Variants in TASP1 observed in about 807,000 individuals in gnomAD.
TASP1 encodes taspase 1, also known as threonine aspartase 1.
TASP1 carries 16 observed loss-of-function variants against 56.6 expected under a neutral mutation model. The ratio of observed to expected loss-of-function variants is 0.28; its 90% CI spans 0.19 to 0.43. TASP1 has a LOEUF of 0.43. TASP1 is among the 20% of genes least tolerant of loss of function. The pLI, the probability that TASP1 is intolerant of heterozygous loss-of-function variation, is 1.00. For missense variants in TASP1, 393 were observed against 511.6 expected, an observed-to-expected ratio of 0.77 and a Z score of 2.24; for synonymous variants, 179 against 184.2, an observed-to-expected ratio of 0.97 and a Z score of 0.23.
At chr20:13,583,474 G>A (rs2047195153) in intron 5 of TASP1, among the ~76,000 whole-genome samples, 1 of 152,154 alleles carries the variant, frequency 6.6e-6, no homozygotes, top group Admixed American at 6.5e-5. Context: ...CATGTTTATA[G>A]AGTTACTCTT....
At chr20:13,421,598 C>CTTTTTTTTTTTTTTTTTT (rs1332836180) in intron 12 of TASP1, among the ~76,000 whole-genome samples, 1 of 152,100 alleles carries the variant, frequency 6.6e-6, no homozygotes, top group Admixed American at 6.5e-5. Flanking sequence ...AGATAATTTA[C>CTTTTTTTTTTTTTTTTTT]ATTACTCATA....
At chr20:13,334,450 T>C in the TASP1 span, among the ~76,000 whole-genome samples, 1 of 152,206 alleles carries the variant, frequency 6.6e-6, no homozygotes, top group Non-Finnish European at 1.5e-5. Context: ...GTCACCTTTC[T>C]CTTTTGGTCT....
chr20:13,299,160 C>T, the TASP1 span: 1 of 1,610,656 alleles, frequency 6.2e-7, no homozygotes, highest in Non-Finnish European at 8.5e-7. This position sits in a 1 kb window ranked among gnomAD's most constrained non-coding sequence, Gnocchi z 5.8. Flanking sequence ...GCCCACTGCC[C>T]GGTACTGCAT....
At chr20:13,528,651 AAGAC>A (rs1355144626) in intron 9 of TASP1, 140 bp from the exon 10 acceptor site, 2 of 580,718 alleles carry the variant, frequency 3.4e-6, no homozygotes, top group African/African-American at 3.7e-5. Context: ...GATGTTGTAT[AAGAC>A]ATACGCACAC....
chr20:13,421,117 T>C (rs983074430), intron 12 of TASP1, among the ~76,000 whole-genome samples: 1 of 150,464 alleles, frequency 6.6e-6, no homozygotes, highest in Non-Finnish European at 1.5e-5. Flanking sequence ...TCTTTTTTTT[T>C]TTTTTTTTTT....
the TASP1 span, chr20:13,117,624 G>A: frequency 6.2e-7 from 1 of 1,614,100 alleles, no homozygotes; most frequent in Non-Finnish European, 8.5e-7. Flanking sequence ...CGGCCGGGGT[G>A]TCACGGAGTT....
intron 4 of TASP1, among the ~76,000 whole-genome samples, chr20:13,620,452 G>A (rs1366780309): frequency 6.6e-6 from 1 of 152,094 alleles, no homozygotes; most frequent in Non-Finnish European, 1.5e-5. Context: ...AAGACCATTA[G>A]AACATTTCAG....
At position 13,587,240 on chromosome 20, in the gene TASP1, G is replaced by A. The variant is rs768944592; in HGVS notation, c.403+10C>T. 2 of 1,604,216 alleles carry A rather than the reference G, an allele frequency of 1.2e-6. No individual in the cohort carries two copies. Among genetic ancestry groups the A allele is most frequent in the South Asian group, 1.1e-5 (1 of 88,974 alleles). On this transcript the variant is annotated intron_variant, in intron 5 of 13. Coordinates refer to ENST00000337743, the MANE Select transcript of TASP1 (RefSeq NM_017714.3). ...TTTTCCAAAGATAGTAGGTCATAATGCCCACATACCACTCAGTGCTCCAAC... is the reference window on the plus strand; with the variant it reads ...TTTTCCAAAGATAGTAGGTCATAATACCCACATACCACTCAGTGCTCCAAC...
chr20:13,122,460 C>G, the TASP1 span, among the ~76,000 whole-genome samples: 115 of 152,332 alleles, frequency 7.5e-4, no homozygotes, highest in African/African-American at 2.8e-3. Context: ...ACCAAGCTTA[C>G]TCTTCTGGGG....
chr20:13,150,124 C>G, the TASP1 span, among the ~76,000 whole-genome samples: 2 of 152,134 alleles, frequency 1.3e-5, no homozygotes, highest in African/African-American at 4.8e-5. Context: ...ATAATCCTTA[C>G]CATAGCCCTC....
intron 4 of TASP1, among the ~76,000 whole-genome samples, chr20:13,588,319 AG>A: frequency 9.0e-6 from 1 of 111,046 alleles, no homozygotes; most frequent in Non-Finnish European, 1.8e-5. Context: ...GAGAAAGAAA[AG>A]GAAGGAAGGA....
chr20:13,195,444 T>G, the TASP1 span, among the ~76,000 whole-genome samples: 2 of 152,204 alleles, frequency 1.3e-5, no homozygotes, highest in Admixed American at 1.3e-4. Flanking sequence ...TCCTTTTCCA[T>G]AGCCCTCAAT....
intron 6 of TASP1, among the ~76,000 whole-genome samples, chr20:13,579,922 A>G (rs764365514): frequency 1.4e-4 from 21 of 152,244 alleles, no homozygotes; most frequent in Non-Finnish European, 2.8e-4. Context: ...TTCAAAACAC[A>G]GTAGAATCAA....
the TASP1 span, among the ~76,000 whole-genome samples, chr20:13,373,083 T>G: frequency 0.097 from 14,770 of 152,092 alleles, 824 homozygotes; most frequent in African/African-American, 0.15. Context: ...TTCTATGTGC[T>G]TTCTTATTTA....
intron 11 of TASP1, among the ~76,000 whole-genome samples, chr20:13,467,186 TACACAC>T (rs3042647): frequency 0.015 from 2,203 of 146,870 alleles, 23 homozygotes; most frequent in Non-Finnish European, 0.023. Context: ...ACACATACAA[TACACAC>T]ACACACACAC....
At chr20:13,513,829 A>G (rs533045105) in intron 10 of TASP1, among the ~76,000 whole-genome samples, 2 of 152,146 alleles carry the variant, frequency 1.3e-5, no homozygotes, top group Non-Finnish European at 2.9e-5. Context: ...TACAAATGTT[A>G]TAATTCTGAT....
intron 12 of TASP1, among the ~76,000 whole-genome samples, chr20:13,417,946 C>T (rs940266994): frequency 6.6e-6 from 1 of 152,180 alleles, no homozygotes; most frequent in Non-Finnish European, 1.5e-5. Context: ...GAGTTTCACT[C>T]TTGTTGTCCA....
the TASP1 span, among the ~76,000 whole-genome samples, chr20:13,113,853 C>T: frequency 6.6e-6 from 1 of 152,194 alleles, no homozygotes; most frequent in Non-Finnish European, 1.5e-5. Context: ...GCTCTTCTTC[C>T]ATCCAGAAAG....
the TASP1 span, among the ~76,000 whole-genome samples, chr20:13,137,177 T>G: frequency 6.6e-6 from 1 of 152,160 alleles, no homozygotes; most frequent in Non-Finnish European, 1.5e-5. Flanking sequence ...GAGGAAATAT[T>G]CAATAGAAAT....
Sources: gnomAD v4.1 joint callset for allele counts (sites outside exome capture counted in the v4.1 genomes callset) on GRCh38, gnomAD v4.1.1 for gene constraint, Gnocchi (gnomAD v3.1) non-coding constraint, MANE v1.5 for transcripts, NCBI Gene and HGNC (gene_info 2026-07-23, HGNC 2026-07-21) for gene names.